CACNA1C: variants seen among roughly 807,000 people sequenced by gnomAD.
The protein encoded by CACNA1C is calcium voltage-gated channel subunit alpha1 C.
In CACNA1C, 30 loss-of-function variants were observed where a neutral mutation model predicts 229.0. That is an observed-to-expected ratio of 0.13 (90% confidence interval 0.10 to 0.18). The LOEUF is 0.18. CACNA1C is among the 10% of genes least tolerant of loss of function. CACNA1C has a pLI of 1.00. For synonymous variants in CACNA1C, 1,114 were observed against 1,132.5 expected, an observed-to-expected ratio of 0.98 and a Z score of 0.33; for missense variants, 1,658 against 2,845.0, an observed-to-expected ratio of 0.58 and a Z score of 9.49.
intron 19 of CACNA1C, among the ~76,000 whole-genome samples, chr12:2,593,659 TAG>T (rs2066594754): frequency 6.6e-6 from 1 of 152,264 alleles, no homozygotes; most frequent in African/African-American, 2.4e-5. Context: ...TCCTGTATAA[TAG>T]AGTGACCTTA....
intron 26 of CACNA1C, 132 bp downstream of exon 26, chr12:2,607,262 C>T: frequency 4.8e-6 from 4 of 840,970 alleles, no homozygotes; most frequent in South Asian, 2.0e-5. Flanking sequence ...CCTCCCCAGG[C>T]AGTGAGGTGT....
chr12:2,113,407 G>T (rs1156787271), intron 1 of CACNA1C, among the ~76,000 whole-genome samples: 1 of 152,206 alleles, frequency 6.6e-6, no homozygotes, highest in Non-Finnish European at 1.5e-5. Context: ...TAAGAGTTGG[G>T]GAGGTGGCTG....
chr12:2,109,347 TGAA>T (rs1329792800), intron 1 of CACNA1C, among the ~76,000 whole-genome samples: 2 of 152,046 alleles, frequency 1.3e-5, no homozygotes, highest in Middle Eastern at 3.2e-3. Flanking sequence ...AGTGGGGGCT[TGAA>T]GAAGGGATCA....
At chr12:2,416,158 G>A (rs960133840) in intron 3 of CACNA1C, among the ~76,000 whole-genome samples, 2 of 152,128 alleles carry the variant, frequency 1.3e-5, no homozygotes, top group Admixed American at 6.5e-5. Context: ...ACAGCTCATC[G>A]CTATTTTAGA....
intron 1 of CACNA1C, among the ~76,000 whole-genome samples, chr12:2,103,112 G>C (rs1048950504): frequency 1.3e-5 from 2 of 152,232 alleles, no homozygotes; most frequent in Admixed American, 6.5e-5. Flanking sequence ...TAATGGGATT[G>C]CTGGGTCAAA....
chr12:2,025,178 G>A (rs2047099379), intron 1 of CACNA1C, among the ~76,000 whole-genome samples: 1 of 152,058 alleles, frequency 6.6e-6, no homozygotes, highest in Non-Finnish European at 1.5e-5. Flanking sequence ...TGAAGGCGAG[G>A]GGGCCCCTTC....
chr12:2,551,527 A>G (rs1341405448), intron 10 of CACNA1C, among the ~76,000 whole-genome samples: 1 of 152,002 alleles, frequency 6.6e-6, no homozygotes, highest in Non-Finnish European at 1.5e-5. Flanking sequence ...GTCTTTCCCC[A>G]TCTCCCTACC....
At chr12:2,060,365 G>A (rs1049658598) in intron 1 of CACNA1C, among the ~76,000 whole-genome samples, 6 of 152,168 alleles carry the variant, frequency 3.9e-5, no homozygotes, top group African/African-American at 1.4e-4. Flanking sequence ...TGAGCTGGGC[G>A]ACCAAGGGCG....
intron 12 of CACNA1C, 119 bp from the exon 13 acceptor site, chr12:2,567,450 G>A (rs1163331254): frequency 3.1e-6 from 2 of 647,942 alleles, no homozygotes; most frequent in Admixed American, 2.7e-5. Context: ...AGGTGGATGG[G>A]AGAGGTGTCA....
In CACNA1C at chr12:2,454,530, G is replaced by A. The variant is rs1173796488; in HGVS notation, c.618-3037G>A. 2.6e-5 allele frequency among the ~76,000 whole-genome samples: 4 copies of A among 152,222 alleles called. No individual in the cohort carries two copies. In the South Asian group the frequency reaches 6.2e-4, roughly 24 times the overall value. Reference sequence around the variant, plus strand: ...GCTGCCCTCACTCACTTGCATTTATGCTCAGCATTCTTAGTCTTCTGTCTG... The same window carrying A: ...GCTGCCCTCACTCACTTGCATTTATACTCAGCATTCTTAGTCTTCTGTCTG... On this transcript the variant is annotated intron_variant, in intron 4 of 46. Transcript: ENST00000399655.
intron 5 of CACNA1C, among the ~76,000 whole-genome samples, chr12:2,470,490 T>A (rs2099585649): frequency 6.6e-6 from 1 of 152,218 alleles, no homozygotes; most frequent in Non-Finnish European, 1.5e-5. Flanking sequence ...GTGAGCCCCA[T>A]GTGCCTGTTA....
intron 1 of CACNA1C, among the ~76,000 whole-genome samples, chr12:2,084,195 C>T (rs1448729885): frequency 6.6e-6 from 1 of 152,176 alleles, no homozygotes; most frequent in Admixed American, 6.5e-5. Flanking sequence ...TCTAGCCCAA[C>T]TCCCCACCCA....
chr12:2,187,249 G>GC (rs1183131086), intron 3 of CACNA1C, among the ~76,000 whole-genome samples: 1 of 152,222 alleles, frequency 6.6e-6, no homozygotes, highest in East Asian at 1.9e-4. Context: ...GGGTGGCACT[G>GC]CCTAGCCTCT....
chr12:2,376,021 A>G (rs894119888), intron 3 of CACNA1C, among the ~76,000 whole-genome samples: 1 of 152,242 alleles, frequency 6.6e-6, no homozygotes. Context: ...GGGGAAGAGG[A>G]CAAGCAGGGC....
intron 3 of CACNA1C, among the ~76,000 whole-genome samples, chr12:2,339,592 TTTCTATGTGATGTA>T (rs2154520807): frequency 6.6e-6 from 1 of 152,372 alleles, no homozygotes; most frequent in South Asian, 2.1e-4. Context: ...TATATCCTTT[TTTCTATGTGATGTA>T]TTCTATTAAA....
At chr12:2,559,812 C>G (rs2046510988) in intron 11 of CACNA1C, among the ~76,000 whole-genome samples, 2 of 152,114 alleles carry the variant, frequency 1.3e-5, no homozygotes, top group Non-Finnish European at 2.9e-5. Context: ...GTGTGTAACT[C>G]TAGAGCCATG....
At chr12:2,690,715 C>G (rs377018865) in intron 46 of CACNA1C, 185 bp from the exon 47 acceptor site, 74 of 592,292 alleles carry the variant, frequency 1.2e-4, no homozygotes, top group African/African-American at 1.1e-3. Flanking sequence ...CTAATTCTGG[C>G]AGATGCTCCA....
At chr12:2,455,453 A>G (rs910263496) in intron 4 of CACNA1C, among the ~76,000 whole-genome samples, 2 of 152,194 alleles carry the variant, frequency 1.3e-5, no homozygotes, top group Non-Finnish European at 2.9e-5. Flanking sequence ...TGAGATGATA[A>G]TATTTTGGCT....
intron 1 of CACNA1C, among the ~76,000 whole-genome samples, chr12:2,023,405 T>A (rs1428719717): frequency 6.6e-6 from 1 of 152,190 alleles, no homozygotes; most frequent in Non-Finnish European, 1.5e-5. Context: ...TATCACTTTC[T>A]ACTCCTCAGA....
Sources: gnomAD v4.1 joint callset for allele counts (sites outside exome capture counted in the v4.1 genomes callset) on GRCh38, gnomAD v4.1.1 for gene constraint, MANE v1.5 for transcripts, NCBI Gene and HGNC (gene_info 2026-07-23, HGNC 2026-07-21) for gene names.